Variants in MUC17 observed in about 807,000 individuals in gnomAD.
MUC17 encodes mucin-17.
A neutral mutation model predicts 170.3 loss-of-function variants in MUC17; 190 were observed. The observed-to-expected ratio is 1.12, with a 90% CI of 0.99 to 1.26. The LOEUF (loss-of-function observed/expected upper bound fraction) is 1.26, where lower values mean the gene tolerates loss of function less well. MUC17 is among the 50% of genes most tolerant of loss of function. MUC17 has a pLI of 0.00. For missense variants in MUC17, 6,415 were observed against 5,530.0 expected, an observed-to-expected ratio of 1.16 and a Z score of -5.08; for synonymous variants, 2,325 against 2,002.5, an observed-to-expected ratio of 1.16 and a Z score of -4.30.
chr7:101,024,370 A>G (rs1794144806), intron 1 of MUC17, among the ~76,000 whole-genome samples: 1 of 151,822 alleles, frequency 6.6e-6, no homozygotes, highest in South Asian at 2.1e-4. Context: ...ACTGCACTCC[A>G]GCCTGGGCGA....
chr7:101,041,299 A>C lies in MUC17; in HGVS notation c.9883A>C (p.Ser3295Arg), dbSNP rs1246771998. 8 of 1,611,106 alleles carry C rather than the reference A, an allele frequency of 5.0e-6. No individual in the cohort carries two copies. The African/African-American group carries it at 1.1e-4, about 22-fold the overall frequency. ...GCCTGTCAGCACCACAACGGTGGCC[A>C]GTTCTGAAACGAGCACCCTTTCAAC... ...SMPVSTTTVASSETSTLSTTP... is the reference protein window; with the variant it reads ...SMPVSTTTVARSETSTLSTTP... The change falls in exon 3 of 13, where the codon AGT becomes CGT. Residue 3295 changes from serine to arginine, a missense_variant. Physicochemically the swap from Ser to Arg is moderately radical, Grantham distance 110. Transcript: ENST00000306151.
rs762222813 is a variant in MUC17 at position 101,035,270 on chromosome 7, T to C, written c.3854T>C (p.Val1285Ala). 1.2e-6 allele frequency: 2 copies of C among 1,609,432 alleles called. No homozygotes were observed. Among genetic ancestry groups the C allele is most frequent in the Admixed American group, 3.3e-5 (2 of 59,860 alleles). Reference sequence around the variant, plus strand: ...AGTACTCTATTAACAAGTATACCTGTCAGCACCACGCTGGTGACCAGTCCT... The same window carrying C: ...AGTACTCTATTAACAAGTATACCTGCCAGCACCACGCTGGTGACCAGTCCT... ...EGSTLLTSIP[V>A]STTLVTSPEA... Residue 1285 changes from valine (V) to alanine (A), a missense_variant, in exon 3 of 13, where the codon GTC (valine) becomes GCC (alanine). By Grantham distance (64) the Val-to-Ala change is moderately conservative. Transcript: ENST00000306151.
rs1237683962 is a variant in MUC17, at chr7:101,036,769, G to A, written c.5353G>A (p.Glu1785Lys). 5 of 1,611,850 alleles carry A rather than the reference G, an allele frequency of 3.1e-6. No individual in the cohort carries two copies. Among genetic ancestry groups the A allele is most frequent in the Non-Finnish European group, 4.2e-6 (5 of 1,179,426 alleles). The change falls in exon 3 of 13, where the codon GAA becomes AAA. Residue 1785 changes from glutamate to lysine, a missense_variant. By Grantham distance (56) the Glu-to-Lys change is moderately conservative. Coordinates refer to ENST00000306151, the MANE Select transcript of MUC17 (RefSeq NM_001040105.2). ...DTSTPVTTST[E>K]ATSSPTTAEG... Reference sequence around the variant, plus strand: ...CAGCACCCCTGTGACCACTTCTACTGAAGCCACTTCGTCTCCTACAACTGC... The same window carrying A: ...CAGCACCCCTGTGACCACTTCTACTAAAGCCACTTCGTCTCCTACAACTGC...
At position 101,038,201 on chromosome 7, in the gene MUC17, C is replaced by T. The variant is rs759159125; in HGVS notation, c.6785C>T (p.Thr2262Ile). The change falls in exon 3 of 13, where the codon ACA (threonine) becomes ATA (isoleucine). Residue 2262 changes from threonine to isoleucine, a missense_variant. By Grantham distance (89) the Thr-to-Ile change is moderately conservative. Coordinates refer to ENST00000306151, the MANE Select transcript of MUC17 (RefSeq NM_001040105.2). Reference sequence around the variant, plus strand: ...TCTACTGAAGCCACTTCATCTCCTACAACTGCTGAAGGTACCAGCATACCA... The same window carrying T: ...TCTACTGAAGCCACTTCATCTCCTATAACTGCTGAAGGTACCAGCATACCA... ...TTSTEATSSP[T>I]TAEGTSIPTS... The T allele has an allele frequency of 4.3e-6, 7 of 1,613,972 alleles. No individual in the cohort carries two copies. In the Admixed American group the frequency reaches 1.2e-4, roughly 27 times the overall value.
Position 101,033,576 on chromosome 7 carries a change from C to G in MUC17, c.2160C>G (p.Thr720=). The change falls in exon 3 of 13, where the codon ACC becomes ACG. Residue 720 remains threonine, a synonymous_variant. Transcript: ENST00000306151. ...TTPVDTSTPV[T]TSTEASSSPT... ...CTGTTGACACCAGCACACCTGTGAC[C>G]ACTTCAACTGAAGCCAGTTCCTCTC... The G allele has an allele frequency of 1.2e-6, 2 of 1,614,052 alleles. No homozygotes were observed. Among genetic ancestry groups the G allele is most frequent in the Non-Finnish European group, 1.7e-6 (2 of 1,179,988 alleles).
chr7:101,052,863 T>C, intron 9 of MUC17, 123 bp from the exon 10 acceptor site: 1 of 1,216,828 alleles, frequency 8.2e-7, no homozygotes. Flanking sequence ...TGCCTTGCTT[T>C]ATGCCCCCTG....
intron 1 of MUC17, among the ~76,000 whole-genome samples, chr7:101,030,722 C>T (rs1293048022): frequency 6.6e-6 from 1 of 152,078 alleles, no homozygotes; most frequent in African/African-American, 2.4e-5. Context: ...GCATGTGCCA[C>T]CATCCCCAGC....
Position 101,034,272 on chromosome 7 carries a change from C to G in MUC17, c.2856C>G (p.Ser952Arg), listed in dbSNP as rs1356148420. 14 of 1,609,128 alleles carry G rather than the reference C, an allele frequency of 8.7e-6. No homozygotes were observed. Among genetic ancestry groups the G allele is most frequent in the Non-Finnish European group, 1.2e-5 (14 of 1,177,820 alleles). The change falls in exon 3 of 13, where the codon AGC becomes AGG. Residue 952 changes from serine (S) to arginine (R), a missense_variant. By Grantham distance (110) the Ser-to-Arg change is moderately radical (BLOSUM62 -1). Coordinates refer to ENST00000306151, the MANE Select transcript of MUC17 (RefSeq NM_001040105.2). ...RTLSATPVDTSTPVTTSTEAT... is the reference protein window; with the variant it reads ...RTLSATPVDTRTPVTTSTEAT... Reference sequence around the variant, plus strand: ...TTTCAGCAACTCCTGTTGACACCAGCACACCTGTGACCACTTCTACTGAAG... The same window carrying G: ...TTTCAGCAACTCCTGTTGACACCAGGACACCTGTGACCACTTCTACTGAAG...
chr7:101,048,217 C>A, intron 4 of MUC17, 102 bp downstream of exon 4: 5 of 1,196,268 alleles, frequency 4.2e-6, no homozygotes, highest in South Asian at 1.9e-5. Flanking sequence ...AGGAATAGGG[C>A]CTCTTCTGGG....
intron 11 of MUC17, among the ~76,000 whole-genome samples, chr7:101,054,133 G>T (rs1318988876): frequency 7.1e-6 from 1 of 141,518 alleles, no homozygotes. Context: ...GAGGCTTATA[G>T]AGTGAAGGGG....
rs770076308 is a variant in MUC17 at position 101,048,129 on chromosome 7, C to T, written c.12535+14C>T. On this transcript the variant is annotated intron_variant, in intron 4 of 12. Coordinates refer to ENST00000306151, the MANE Select transcript of MUC17 (RefSeq NM_001040105.2). ...GCATTGACATAGGTGAGTGCAACCC[C>T]AGGCCTTCCCCCACCCCATGCCCTG... 1 of 1,555,802 alleles carries T rather than the reference C, an allele frequency of 6.4e-7. No individual in the cohort carries two copies. The highest frequency in any genetic ancestry group is 8.7e-7 in the Non-Finnish European group (1 of 1,151,256).
Position 101,041,248 on chromosome 7 carries a change from G to T in MUC17, c.9832G>T (p.Glu3278Ter). ...GTSMPTSTPS[E>*]GSTPLTSMPV... ...CAGCATGCCAACCTCAACTCCTAGT[G>T]AAGGAAGCACTCCATTAACAAGTAT... Residue 3278 changes from glutamate (E) to a stop codon, truncating the protein, a stop_gained, in exon 3 of 13, where the codon GAA becomes TAA. Transcript: ENST00000306151. LOFTEE classifies it high-confidence loss of function. 1 of 1,611,490 alleles carries T rather than the reference G, an allele frequency of 6.2e-7. No individual in the cohort carries two copies. The highest frequency in any genetic ancestry group is 8.5e-7 in the Non-Finnish European group (1 of 1,178,396).
intron 11 of MUC17, among the ~76,000 whole-genome samples, chr7:101,053,849 C>T (rs1285790579): frequency 6.7e-6 from 1 of 148,596 alleles, no homozygotes; most frequent in African/African-American, 2.5e-5. Flanking sequence ...CATTGCACTC[C>T]AGCCTGGGCA....
Position 101,030,639 on chromosome 7 carries a change from G to T in MUC17, c.83-481G>T, listed in dbSNP as rs10254720. 5.1e-3 allele frequency among the ~76,000 whole-genome samples: 775 copies of T among 152,220 alleles called. 5 individuals carry two copies. The highest frequency in any genetic ancestry group is 0.017 in the African/African-American group (724 of 41,542). On this transcript the variant is annotated intron_variant, in intron 1 of 12. Coordinates refer to ENST00000306151, the MANE Select transcript of MUC17 (RefSeq NM_001040105.2). ...GCTAGAGTGCAGTGGTGCCATCATA[G>T]CTCATTATGAACATGATCTCCTGGG...
chr7:101,025,344 C>T (rs1330689125), intron 1 of MUC17, among the ~76,000 whole-genome samples: 2 of 147,588 alleles, frequency 1.4e-5, no homozygotes, highest in African/African-American at 2.5e-5. Context: ...GCCTGGGTGA[C>T]AGAGGGAGAC....
rs1314120999 is a variant in MUC17 at position 101,032,563 on chromosome 7, A to G, written c.1147A>G (p.Met383Val). Residue 383 changes from methionine (M) to valine (V), a missense_variant, in exon 3 of 13, where the codon ATG becomes GTG. Met to Val is a conservative substitution (Grantham distance 21, BLOSUM62 1). Transcript: ENST00000306151. ...TCCTACAACTGCTGAAGCTACCAGC[A>G]TGCTAACCTCAACTCTTAGTGAAGG... ...SLPTTAEATS[M>V]LTSTLSEGST... 1 of 1,614,010 alleles carries G rather than the reference A, an allele frequency of 6.2e-7. No individual in the cohort carries two copies. The highest frequency in any genetic ancestry group is 1.7e-5 in the Admixed American group (1 of 60,006).
At position 101,034,629 on chromosome 7, in the gene MUC17, A is replaced by G; in HGVS notation, c.3213A>G (p.Thr1071=). 1 of 1,602,846 alleles carries G rather than the reference A, an allele frequency of 6.2e-7. No homozygotes were observed. The highest frequency in any genetic ancestry group is 8.5e-7 in the Non-Finnish European group (1 of 1,172,548). Reference sequence around the variant, plus strand: ...CAACAACTCCTGCTGACACCAGCACACCTGTGACCACTTATTCTCAAGCCA... The same window carrying G: ...CAACAACTCCTGCTGACACCAGCACGCCTGTGACCACTTATTCTCAAGCCA... ...TLSTTPADTS[T]PVTTYSQASS... The change falls in exon 3 of 13, where the codon ACA becomes ACG. Residue 1071 remains threonine, a synonymous_variant. Coordinates refer to ENST00000306151, the MANE Select transcript of MUC17 (RefSeq NM_001040105.2).
chr7:101,020,282 G>C (rs1794048404), intron 1 of MUC17, 65 bp downstream of exon 1: 1 of 1,424,860 alleles, frequency 7.0e-7, no homozygotes, highest in African/African-American at 1.4e-5. Flanking sequence ...TGCTCTGTCT[G>C]CCCATCCCCG....
chr7:101,021,274 C>T (rs1388458803), intron 1 of MUC17, among the ~76,000 whole-genome samples: 2 of 150,306 alleles, frequency 1.3e-5, no homozygotes, highest in African/African-American at 4.9e-5. Flanking sequence ...CAACCTCTGC[C>T]TCCCGGGTTC....
Sources: allele counts gnomAD v4.1 joint callset (sites outside exome capture counted in the v4.1 genomes callset), GRCh38; gene constraint gnomAD v4.1.1; transcripts MANE v1.5; gene names NCBI Gene and HGNC (gene_info 2026-07-23, HGNC 2026-07-21).